Variants in AGO2 observed in about 807,000 individuals in gnomAD.
The protein encoded by AGO2 is protein argonaute-2.
In AGO2, 5 loss-of-function variants were observed where a neutral mutation model predicts 102.3. That is an observed-to-expected ratio of 0.05 (90% confidence interval 0.03 to 0.10). AGO2 has a LOEUF of 0.10. Ranked by LOEUF, AGO2 falls within the 10% of genes least tolerant of loss-of-function variation. AGO2 has a pLI of 1.00. For synonymous variants in AGO2, 449 were observed against 473.1 expected (o/e 0.95, Z 0.66); for missense variants, 541 against 1,183.7 (o/e 0.46, Z 7.97).
intron 6 of AGO2, 110 bp from the exon 7 acceptor site, chr8:140,558,682 G>C: frequency 1.7e-6 from 2 of 1,171,690 alleles, no homozygotes; most frequent in Non-Finnish European, 2.5e-6. Flanking sequence ...CCAAGTTATG[G>C]GGGGCTGCAG....
At position 140,630,109 on chromosome 8, in the gene AGO2, T is replaced by C. The variant is rs1175588121; in HGVS notation, c.22+5376A>G. Among the ~76,000 whole-genome samples, 4 of 152,076 alleles carry C rather than the reference T, an allele frequency of 2.6e-5. No individual in the cohort carries two copies. The East Asian group carries it at 7.7e-4, about 29-fold the overall frequency. On this transcript the variant is annotated intron_variant, in intron 1 of 18. Transcript: ENST00000220592. Reference sequence around the variant, plus strand: ...ACTGGCAACCTCAATGACACCACACTCACGCCCATCAGATTTTCTGAGGAT... The same window carrying C: ...ACTGGCAACCTCAATGACACCACACCCACGCCCATCAGATTTTCTGAGGAT...
At chr8:140,535,158 A>G (rs1479147252) in intron 17 of AGO2, among the ~76,000 whole-genome samples, 4 of 152,032 alleles carry the variant, frequency 2.6e-5, no homozygotes, top group Non-Finnish European at 1.5e-5. Flanking sequence ...CAGCGCCTCA[A>G]TCCTGCTCAG....
chr8:140,635,825 G>C (rs1416870865), upstream of AGO2, among the ~76,000 whole-genome samples: 1 of 143,130 alleles, frequency 7.0e-6, no homozygotes, highest in African/African-American at 2.5e-5. Flanking sequence ...GTCTGGCGGG[G>C]CCTGGGGCGG....
chr8:140,551,829 G>A (rs1224405075), intron 10 of AGO2, among the ~76,000 whole-genome samples: 1 of 145,894 alleles, frequency 6.9e-6, no homozygotes, highest in East Asian at 2.0e-4. Flanking sequence ...GTGGATGGCT[G>A]ATGGGTGCAT....
chr8:140,543,381 G>T (rs528778363), intron 14 of AGO2, among the ~76,000 whole-genome samples: 1 of 152,188 alleles, frequency 6.6e-6, no homozygotes, highest in Non-Finnish European at 1.5e-5. Flanking sequence ...GGGGCAGCTC[G>T]AATGGCTTCC....
At chr8:140,610,155 T>C (rs920560982) in intron 1 of AGO2, among the ~76,000 whole-genome samples, 24 of 151,804 alleles carry the variant, frequency 1.6e-4, no homozygotes, top group Non-Finnish European at 3.4e-4. Flanking sequence ...CAGTGGGCTA[T>C]GATCAGCCAC....
At chr8:140,594,827 G>GTGTT (rs908278873) in intron 1 of AGO2, among the ~76,000 whole-genome samples, 33 of 145,942 alleles carry the variant, frequency 2.3e-4, no homozygotes, top group African/African-American at 2.5e-5. Context: ...GAAAAAAACT[G>GTGTT]TGTGTGTGTG....
rs148079280 is a variant in AGO2, at chr8:140,544,810, G to A, written c.1749-507C>T. Among the ~76,000 whole-genome samples, 640 of 152,284 alleles carry A rather than the reference G, an allele frequency of 4.2e-3. 2 individuals carry two copies. Among genetic ancestry groups the A allele is most frequent in the Admixed American group, 9.0e-3 (138 of 15,304 alleles). On this transcript the variant is annotated intron_variant, in intron 13 of 18. Transcript: ENST00000220592. The stretch of plus-strand genomic sequence containing the variant: ...CCAACATGTCTCCAGACATGACCAC[G>A]CGTCCCCTGGCAGCAAAACCACCCC...
intron 16 of AGO2, among the ~76,000 whole-genome samples, chr8:140,537,387 A>G (rs901192829): frequency 6.6e-6 from 1 of 151,612 alleles, no homozygotes; most frequent in African/African-American, 2.4e-5. Context: ...TTGCAGCCTC[A>G]GCCTCCTGAG....
intron 3 of AGO2, among the ~76,000 whole-genome samples, chr8:140,565,476 A>C (rs984632634): frequency 1.3e-5 from 2 of 149,140 alleles, no homozygotes; most frequent in African/African-American, 4.9e-5. Context: ...AAAACAAAAA[A>C]CAAAAAAATA....
intron 3 of AGO2, among the ~76,000 whole-genome samples, chr8:140,569,503 C>T (rs751972802): frequency 3.3e-5 from 5 of 152,220 alleles, no homozygotes; most frequent in Non-Finnish European, 7.3e-5. Flanking sequence ...TGTTCCTAAA[C>T]AGTGCTCCTT....
At position 140,524,544 on chromosome 8, in the gene AGO2, T is replaced by A. The variant is rs1240271288; in HGVS notation, c.*7500A>T. On this transcript the variant is annotated 3_prime_UTR_variant, in exon 19 of 19. Coordinates refer to ENST00000220592, the MANE Select transcript of AGO2 (RefSeq NM_012154.5). ...AGGCTGGAGGTCCACGCCTGCCTTG[T>A]GGAATGGCACAGGCTTAGTTCCCCA... 1 of 152,228 alleles carries A rather than the reference T, an allele frequency of 6.6e-6. No homozygotes were observed. Among genetic ancestry groups the A allele is most frequent in the Non-Finnish European group, 1.5e-5 (1 of 68,062 alleles). 9.4% of individuals were successfully genotyped at this position (152,228 alleles called of 1,614,324 possible).
intron 8 of AGO2, among the ~76,000 whole-genome samples, chr8:140,556,494 C>T (rs113660779): frequency 4.6e-5 from 7 of 152,282 alleles, no homozygotes; most frequent in Middle Eastern, 3.4e-3. Flanking sequence ...GTAAACCCCA[C>T]GTCACGCGAA....
At chr8:140,631,473 G>A (rs1010983789) in intron 1 of AGO2, among the ~76,000 whole-genome samples, 4 of 149,796 alleles carry the variant, frequency 2.7e-5, no homozygotes, top group African/African-American at 9.8e-5. Context: ...GGAGGAGGAG[G>A]TTGCAGTGAG....
At chr8:140,612,667 G>A (rs902243254) in intron 1 of AGO2, among the ~76,000 whole-genome samples, 3 of 151,890 alleles carry the variant, frequency 2.0e-5, no homozygotes, top group Non-Finnish European at 4.4e-5. Context: ...CAGGAGAATC[G>A]CTTGAACCCA....
At chr8:140,639,480 G>GGA (rs1554599689), upstream of AGO2, among the ~76,000 whole-genome samples, 7 of 139,860 alleles carry the variant, frequency 5.0e-5, no homozygotes, top group Non-Finnish European at 9.2e-5. Context: ...AACTCCATCT[G>GGA]AAAAAAAAAA....
intron 4 of AGO2, among the ~76,000 whole-genome samples, chr8:140,562,231 C>G (rs1276848707): frequency 6.6e-6 from 1 of 152,234 alleles, no homozygotes; most frequent in Non-Finnish European, 1.5e-5. Context: ...AATAGGGAGG[C>G]CAACGTTCCG....
chr8:140,533,245 C>T (rs985207208), intron 17 of AGO2, among the ~76,000 whole-genome samples: 12 of 150,858 alleles, frequency 8.0e-5, no homozygotes, highest in Non-Finnish European at 1.6e-4. Context: ...AAAAATTAGC[C>T]AGGCGTGGTG....
intron 1 of AGO2, among the ~76,000 whole-genome samples, chr8:140,597,117 A>T (rs1050096223): frequency 5.3e-5 from 8 of 152,164 alleles, no homozygotes; most frequent in Non-Finnish European, 1.2e-4. Context: ...AGAAAAAAAA[A>T]CTCAGCAGAA....
Sources: allele counts gnomAD v4.1 joint callset (sites outside exome capture counted in the v4.1 genomes callset), GRCh38; gene constraint gnomAD v4.1.1; transcripts MANE v1.5; gene names NCBI Gene and HGNC (gene_info 2026-07-23, HGNC 2026-07-21).